The following IDNK variants were observed in gnomAD, a reference collection of about 807,000 sequenced individuals.
IDNK encodes IDNK gluconokinase, also known as gluconokinase.
A neutral mutation model predicts 13.0 loss-of-function variants in IDNK; 9 were observed. The observed-to-expected ratio is 0.69, with a 90% CI of 0.42 to 1.21. IDNK has a LOEUF of 1.21. Ranked by LOEUF, IDNK falls within the 50% of genes most tolerant of loss-of-function variation. The probability of loss-of-function intolerance (pLI) is 0.00; values close to 1 mark genes in which losing one functional copy is unlikely to be tolerated. For synonymous variants in IDNK, 92 were observed against 94.9 expected, an observed-to-expected ratio of 0.97 and a Z score of 0.18; for missense variants, 210 against 237.8, an observed-to-expected ratio of 0.88 and a Z score of 0.77.
intron 2 of IDNK, 116 bp from the exon 3 acceptor site, chr9:83,628,757 T>A: frequency 1.4e-6 from 1 of 727,496 alleles, no homozygotes; most frequent in Non-Finnish European, 2.4e-6. Flanking sequence ...GTCCTTGGGG[T>A]TGATGGGAAC....
At position 83,642,147 on chromosome 9, in the gene IDNK, C is replaced by T. The variant is rs560133844; in HGVS notation, c.212+556C>T. Reference sequence around the variant, plus strand: ...CCCAGCTCTGCAGCATGCCCCTGAGCGAACAGGGTCCCCCCCCAACAGCAC... The same window carrying T: ...CCCAGCTCTGCAGCATGCCCCTGAGTGAACAGGGTCCCCCCCCAACAGCAC... On this transcript the variant is annotated intron_variant, in intron 4 of 4. Coordinates refer to ENST00000376419, the MANE Select transcript of IDNK (RefSeq NM_001001551.4). Among the ~76,000 whole-genome samples the T allele has an allele frequency of 4.1e-5, 6 of 144,782 alleles. No individual in the cohort carries two copies. The South Asian group carries it at 9.0e-4, about 22-fold the overall frequency. 95.0% of individuals were successfully genotyped at this position (144,782 alleles called of 152,430 possible).
chr9:83,627,534 T>C (rs771672356), intron 1 of IDNK, among the ~76,000 whole-genome samples: 17 of 152,182 alleles, frequency 1.1e-4, no homozygotes, highest in Non-Finnish European at 2.1e-4. Context: ...TAGGCAACTG[T>C]GGCCCCATCT....
intron 3 of IDNK, among the ~76,000 whole-genome samples, chr9:83,631,451 G>GAAAAAAAAA (rs57832482): frequency 0.16 from 8,948 of 56,262 alleles, 1,543 homozygotes; most frequent in Non-Finnish European, 0.19. Flanking sequence ...TACAAAAACT[G>GAAAAAAAAA]AAAAAAAAAA....
chr9:83,643,785 G>A lies in IDNK; in HGVS notation c.*5G>A, dbSNP rs943380361. The A allele has an allele frequency of 2.8e-5, 45 of 1,588,256 alleles. No homozygotes were observed. The highest frequency in any genetic ancestry group is 3.6e-5 in the Non-Finnish European group (42 of 1,160,530). ...GAAACCCTAAAAATGAAATGACAAT[G>A]ATTTTGTATCAGTGGTCCAAACAGA... On this transcript the variant is annotated 3_prime_UTR_variant, in exon 5 of 5. Transcript: ENST00000376419.
At chr9:83,630,161 C>A (rs1009296556) in intron 3 of IDNK, among the ~76,000 whole-genome samples, 4 of 152,160 alleles carry the variant, frequency 2.6e-5, no homozygotes, top group African/African-American at 9.7e-5. Flanking sequence ...GCCATTAAAC[C>A]ATTATTAGGT....
chr9:83,626,923 C>A (rs987337669), intron 1 of IDNK: 5 of 855,698 alleles, frequency 5.8e-6, no homozygotes, highest in Non-Finnish European at 5.7e-6. Context: ...GTGTCTAACA[C>A]CTCTCTGATA....
chr9:83,628,335 T>C, intron 2 of IDNK, 124 bp downstream of exon 2: 1 of 882,664 alleles, frequency 1.1e-6, no homozygotes, highest in Non-Finnish European at 1.8e-6. Flanking sequence ...ACTGGAGCAA[T>C]TTTGTTTTTC....
intron 3 of IDNK, among the ~76,000 whole-genome samples, chr9:83,629,481 G>A (rs1376686008): frequency 1.3e-5 from 2 of 152,204 alleles, no homozygotes; most frequent in African/African-American, 2.4e-5. Flanking sequence ...CATGGCTCCA[G>A]CCTCTTTAGG....
At chr9:83,626,932 T>C (rs1011614497) in intron 1 of IDNK, 12 of 771,450 alleles carry the variant, frequency 1.6e-5, no homozygotes, top group East Asian at 2.6e-4. Flanking sequence ...ACCTCTCTGA[T>C]AGCTTTTTAG....
At chr9:83,626,571 C>G (rs1399232524) in intron 1 of IDNK, 1 of 523,080 alleles carries the variant, frequency 1.9e-6, no homozygotes, top group South Asian at 1.6e-5. Context: ...CGTGCACCAC[C>G]ACACCCAGCT....
chr9:83,627,643 CA>C (rs1830891165), intron 1 of IDNK, among the ~76,000 whole-genome samples: 1 of 152,118 alleles, frequency 6.6e-6, no homozygotes, highest in African/African-American at 2.4e-5. Flanking sequence ...ATTTAACCCC[CA>C]GTCTTAACAA....
chr9:83,628,236 C>T, intron 2 of IDNK, 25 bp downstream of exon 2: 1 of 1,530,914 alleles, frequency 6.5e-7, no homozygotes, highest in Non-Finnish European at 8.9e-7. Flanking sequence ...CTAATGCCTT[C>T]CGAGTGCTTG....
intron 1 of IDNK, among the ~76,000 whole-genome samples, chr9:83,623,973 C>G (rs2131614499): frequency 6.6e-6 from 1 of 152,284 alleles, no homozygotes; most frequent in African/African-American, 2.4e-5. Context: ...GCTAAAACAT[C>G]ATAACCTTCA....
At chr9:83,633,657 G>T (rs1023365404) in intron 3 of IDNK, among the ~76,000 whole-genome samples, 2 of 152,186 alleles carry the variant, frequency 1.3e-5, no homozygotes, top group African/African-American at 2.4e-5. Context: ...CCAAAAAATA[G>T]TTTATTCCTT....
intron 1 of IDNK, 135 bp from the exon 2 acceptor site, chr9:83,628,046 T>G: frequency 6.7e-7 from 1 of 1,483,782 alleles, no homozygotes; most frequent in Non-Finnish European, 9.0e-7. Context: ...CGGGCATCAC[T>G]GCTTTAGGAT....
intron 3 of IDNK, among the ~76,000 whole-genome samples, chr9:83,638,445 G>A (rs762164572): frequency 2.0e-5 from 3 of 152,180 alleles, no homozygotes; most frequent in Admixed American, 1.3e-4. Flanking sequence ...GAATAGATGT[G>A]TATGATAAAA....
At chr9:83,642,263 G>A (rs1484685027) in intron 4 of IDNK, among the ~76,000 whole-genome samples, 3 of 152,128 alleles carry the variant, frequency 2.0e-5, no homozygotes, top group Admixed American at 1.3e-4. Flanking sequence ...CTAAGATGAA[G>A]TCATATTTTA....
intron 3 of IDNK, among the ~76,000 whole-genome samples, chr9:83,635,596 T>C (rs1831142217): frequency 2.0e-5 from 3 of 152,362 alleles, no homozygotes; most frequent in Admixed American, 1.3e-4. Context: ...ATCACAGTGA[T>C]GCCTTGCTAG....
At position 83,633,252 on chromosome 9, in the gene IDNK, T is replaced by C. The variant is rs1831073584; in HGVS notation, c.168+4293T>C. 2.6e-5 allele frequency among the ~76,000 whole-genome samples: 4 copies of C among 152,104 alleles called. No homozygotes were observed. In the South Asian group the frequency reaches 8.3e-4, roughly 32 times the overall value. ...TACTCGGGAGGCTGAGGCGGGAGAA[T>C]GGCGTGAACCCAGGAGGTGGAGCTT... is the stretch of plus-strand genomic sequence containing the variant. On this transcript the variant is annotated intron_variant, in intron 3 of 4. Transcript: ENST00000376419.
Sources: gnomAD v4.1 joint callset for allele counts (sites outside exome capture counted in the v4.1 genomes callset) on GRCh38, gnomAD v4.1.1 for gene constraint, MANE v1.5 for transcripts, NCBI Gene and HGNC (gene_info 2026-07-23, HGNC 2026-07-21) for gene names.